Variants in WWTR1 observed in about 807,000 individuals in gnomAD.
WWTR1 encodes the protein WW domain containing transcription regulator 1, also known as WW domain-containing transcription regulator protein 1.
A neutral mutation model predicts 40.1 loss-of-function variants in WWTR1; 13 were observed. That is an observed-to-expected ratio of 0.32 (90% confidence interval 0.21 to 0.52). The LOEUF (loss-of-function observed/expected upper bound fraction) is 0.52, where lower values mean the gene tolerates loss of function less well. Ranked by LOEUF, WWTR1 falls within the 20% of genes least tolerant of loss-of-function variation. WWTR1 has a pLI of 0.97. For missense variants in WWTR1, 436 were observed against 523.1 expected, an observed-to-expected ratio of 0.83 and a Z score of 1.63; for synonymous variants, 230 against 210.1, an observed-to-expected ratio of 1.09 and a Z score of -0.82.
At chr3:149,550,576 T>C (rs1020631166) in intron 3 of WWTR1, among the ~76,000 whole-genome samples, 32 of 152,298 alleles carry the variant, frequency 2.1e-4, no homozygotes, top group African/African-American at 7.2e-4. Context: ...CCCTACTGTG[T>C]GCTTAGCTCT....
chr3:149,660,583 A>G (rs930250285), upstream of WWTR1, among the ~76,000 whole-genome samples: 13 of 152,228 alleles, frequency 8.5e-5, no homozygotes, highest in Non-Finnish European at 1.9e-4. Flanking sequence ...ATTAAATAAC[A>G]TTTACAGATG....
rs143964474 is a variant in WWTR1 at position 149,687,377 on chromosome 3, T to A, written c.-108+15747A>T. 8.5e-5 allele frequency among the ~76,000 whole-genome samples: 13 copies of A among 152,334 alleles called. No homozygotes were observed. In the East Asian group the frequency reaches 2.5e-3, roughly 29 times the overall value. On this transcript the variant is annotated intron_variant, in intron 1 of 7. Transcript: ENST00000465804. ...CAATCTCTCATTTCTTCTTTAATAATGTTTTTAGTTTAAATCTATTTGAAA... is the reference window on the plus strand; with the variant it reads ...CAATCTCTCATTTCTTCTTTAATAAAGTTTTTAGTTTAAATCTATTTGAAA...
rs183351420 is a variant in WWTR1 at position 149,549,207 on chromosome 3, T to A, written c.569-6670A>T. Among the ~76,000 whole-genome samples, 7 of 152,020 alleles carry A rather than the reference T, an allele frequency of 4.6e-5. No homozygotes were observed. The East Asian group carries it at 1.4e-3, about 29-fold the overall frequency. ...TCCAAAGAACACAGGATTGAATGAG[T>A]GGTGGCTGATGGGAGTTGGGGGGCA... is the stretch of plus-strand genomic sequence containing the variant. On this transcript the variant is annotated intron_variant, in intron 3 of 6. Coordinates refer to ENST00000360632, the MANE Select transcript of WWTR1 (RefSeq NM_015472.6).
At chr3:149,594,956 T>C (rs988729594) in intron 2 of WWTR1, among the ~76,000 whole-genome samples, 1,352 of 114,240 alleles carry the variant, frequency 0.012, 77 homozygotes, top group African/African-American at 0.047. Context: ...TTTACTTTTT[T>C]TTTTTTTTTT....
intron 2 of WWTR1, among the ~76,000 whole-genome samples, chr3:149,585,121 CGTGT>C (rs61655468): frequency 0.011 from 1,555 of 144,392 alleles, 22 homozygotes; most frequent in African/African-American, 0.028. Flanking sequence ...TGATTTCTTT[CGTGT>C]GTGTGTGTGT....
chr3:149,538,423 C>G (rs753648137), intron 4 of WWTR1, among the ~76,000 whole-genome samples: 6 of 152,128 alleles, frequency 3.9e-5, no homozygotes, highest in Admixed American at 6.5e-5. Context: ...CAAAAGACTT[C>G]CTTTCACAGA....
Position 149,519,967 on chromosome 3 carries a change from A to G in WWTR1, c.*838T>C, listed in dbSNP as rs1173255662. 1 of 52,584 alleles carries G rather than the reference A, an allele frequency of 1.9e-5. No individual in the cohort carries two copies. The highest frequency in any genetic ancestry group is 3.7e-5 in the African/African-American group (1 of 26,824). 3.3% of individuals were successfully genotyped at this position (52,584 alleles called of 1,614,324 possible). A position where few individuals can be genotyped will look rare whatever the true frequency, so the allele number is the denominator to read the frequency against. ...TCAAAAACAAACAAACAACATCAAG[A>G]AAAAAAAAAACCATCAGATTCTAAG... is the stretch of plus-strand genomic sequence containing the variant. On this transcript the variant is annotated 3_prime_UTR_variant, in exon 7 of 7. Transcript: ENST00000360632.
intron 5 of WWTR1, among the ~76,000 whole-genome samples, chr3:149,714,646 C>T (rs899820020): frequency 1.3e-5 from 2 of 152,216 alleles, no homozygotes; most frequent in African/African-American, 4.8e-5. Context: ...ACAGCCTGGG[C>T]ACCATGAACA....
intron 2 of WWTR1, among the ~76,000 whole-genome samples, chr3:149,603,153 G>A (rs748020396): frequency 3.8e-4 from 58 of 152,026 alleles, no homozygotes; most frequent in Non-Finnish European, 7.5e-4. Context: ...AGGAACAAGG[G>A]TCTCCACCCA....
At chr3:149,534,653 G>A (rs1275664997) in intron 4 of WWTR1, among the ~76,000 whole-genome samples, 1 of 152,112 alleles carries the variant, frequency 6.6e-6, no homozygotes, top group Non-Finnish European at 1.5e-5. Flanking sequence ...CTTTTCAGAA[G>A]GAAAGCTCTC....
At chr3:149,699,671 A>T (rs117711781) in intron 1 of WWTR1, among the ~76,000 whole-genome samples, 3 of 152,218 alleles carry the variant, frequency 2.0e-5, no homozygotes, top group African/African-American at 7.2e-5. Flanking sequence ...GTTAGGGCAT[A>T]ACATGAGTAA....
At chr3:149,566,224 T>C (rs1737320195) in intron 3 of WWTR1, among the ~76,000 whole-genome samples, 1 of 152,138 alleles carries the variant, frequency 6.6e-6, no homozygotes, top group African/African-American at 2.4e-5. Context: ...CCTTCTTTTT[T>C]TTAATCAAGA....
chr3:149,682,460 G>T (rs1410379675), intron 1 of WWTR1, among the ~76,000 whole-genome samples: 1 of 152,176 alleles, frequency 6.6e-6, no homozygotes, highest in Non-Finnish European at 1.5e-5. Context: ...TTGTTAAGAG[G>T]CTGGTTTTTC....
chr3:149,593,912 A>G (rs1386961769), intron 2 of WWTR1, among the ~76,000 whole-genome samples: 2 of 152,212 alleles, frequency 1.3e-5, no homozygotes, highest in Non-Finnish European at 2.9e-5. Context: ...TCAGGGAAAG[A>G]GAAGAAATTT....
chr3:149,657,590 C>A (rs906801720), intron 1 of WWTR1, 175 bp downstream of exon 1: 1 of 407,138 alleles, frequency 2.5e-6, no homozygotes, highest in South Asian at 3.6e-5. Flanking sequence ...TAACTGCACT[C>A]GGGGCTTGCT....
At chr3:149,652,239 T>A (rs555391269) in intron 2 of WWTR1, among the ~76,000 whole-genome samples, 127 of 151,910 alleles carry the variant, frequency 8.4e-4, no homozygotes, top group African/African-American at 2.8e-3. Flanking sequence ...TTTGGCAATG[T>A]GGAAAGCAAC....
intron 5 of WWTR1, among the ~76,000 whole-genome samples, chr3:149,713,403 C>T (rs895455787): frequency 8.6e-5 from 13 of 151,208 alleles, no homozygotes; most frequent in African/African-American, 1.5e-4. Context: ...TTTTTTGAGA[C>T]GGCGTCTCGC....
At chr3:149,536,284 AAAT>A (rs1405427310) in intron 4 of WWTR1, among the ~76,000 whole-genome samples, 1 of 152,172 alleles carries the variant, frequency 6.6e-6, no homozygotes, top group Non-Finnish European at 1.5e-5. Flanking sequence ...TAGATTCACA[AAAT>A]ATTAGACTAC....
intron 1 of WWTR1, among the ~76,000 whole-genome samples, chr3:149,695,410 T>C (rs1485889727): frequency 2.0e-5 from 3 of 152,150 alleles, no homozygotes; most frequent in African/African-American, 7.2e-5. Context: ...TGAAAATATT[T>C]CACCCACTTC....
Sources: allele counts gnomAD v4.1 joint callset (sites outside exome capture counted in the v4.1 genomes callset), GRCh38; gene constraint gnomAD v4.1.1; transcripts MANE v1.5; gene names NCBI Gene and HGNC (gene_info 2026-07-23, HGNC 2026-07-21).